The following CRYZL1 variants were observed in gnomAD, a reference collection of about 807,000 sequenced individuals.
CRYZL1 encodes the protein crystallin zeta like 1.
A neutral mutation model predicts 50.6 loss-of-function variants in CRYZL1; 34 were observed. The observed-to-expected ratio is 0.67, with a 90% CI of 0.51 to 0.89. The LOEUF is 0.89. Among genes scored for constraint, CRYZL1 ranks in the 40% least tolerant of loss-of-function variants. The pLI, the probability that CRYZL1 is intolerant of heterozygous loss-of-function variation, is 0.00. For synonymous variants in CRYZL1, 125 were observed against 134.3 expected (o/e 0.93, Z 0.48); for missense variants, 354 against 402.3 (o/e 0.88, Z 1.03).
intron 1 of CRYZL1, 99 bp from the exon 2 acceptor site, chr21:33,631,656 A>T: frequency 1.5e-6 from 1 of 672,968 alleles, no homozygotes; most frequent in Non-Finnish European, 2.2e-6. Flanking sequence ...TAAAACGACA[A>T]CTACAAATGT....
At chr21:33,638,422 C>T (rs1418147022) in intron 1 of CRYZL1, among the ~76,000 whole-genome samples, 1 of 152,056 alleles carries the variant, frequency 6.6e-6, no homozygotes, top group Non-Finnish European at 1.5e-5. Flanking sequence ...ACCATGTTGG[C>T]CAGGCTGGTC....
chr21:33,604,247 C>T (rs553671866), intron 6 of CRYZL1, among the ~76,000 whole-genome samples: 12 of 146,304 alleles, frequency 8.2e-5, no homozygotes, highest in South Asian at 2.2e-4. Flanking sequence ...CCCAGCTACT[C>T]GGAGAGGCTG....
chr21:33,589,958 TAAAG>T, intron 12 of CRYZL1, 37 bp from the exon 13 acceptor site: 5 of 1,220,022 alleles, frequency 4.1e-6, no homozygotes, highest in Non-Finnish European at 6.0e-6. Context: ...CAGGTCTAGT[TAAAG>T]ATAAGTAGAA....
At chr21:33,634,873 C>T (rs1346591973) in intron 1 of CRYZL1, among the ~76,000 whole-genome samples, 1 of 96,880 alleles carries the variant, frequency 1.0e-5, no homozygotes, top group African/African-American at 4.9e-5. Context: ...AAACAAACAA[C>T]AACAACAATA....
chr21:33,605,814 A>G (rs1318194666), intron 6 of CRYZL1, among the ~76,000 whole-genome samples: 1 of 151,862 alleles, frequency 6.6e-6, no homozygotes, highest in Non-Finnish European at 1.5e-5. Flanking sequence ...GTAAGCCACC[A>G]CGCCTGGCCA....
rs759662224 is a variant in CRYZL1 at position 33,602,400 on chromosome 21, G to A, written c.466-55C>T. The A allele has an allele frequency of 2.3e-4, 166 of 707,280 alleles. 1 individual carries two copies. The highest frequency in any genetic ancestry group is 2.0e-3 in the Middle Eastern group (8 of 4,050). 43.8% of individuals were successfully genotyped at this position (707,280 alleles called of 1,614,324 possible). Reference sequence around the variant, plus strand: ...ATGGTTATAGAACAGAGGCCATATCGAATTGATTTCTTTATATTATTTAAT... The same window carrying A: ...ATGGTTATAGAACAGAGGCCATATCAAATTGATTTCTTTATATTATTTAAT... On this transcript the variant is annotated intron_variant, in intron 7 of 12. Coordinates refer to ENST00000381554, the MANE Select transcript of CRYZL1 (RefSeq NM_145858.3).
At chr21:33,630,781 G>T (rs943789574) in intron 2 of CRYZL1, among the ~76,000 whole-genome samples, 1 of 151,996 alleles carries the variant, frequency 6.6e-6, no homozygotes, top group Non-Finnish European at 1.5e-5. Context: ...AAGAAAATGT[G>T]GTATATATAC....
chr21:33,624,963 G>C (rs1330232315), intron 2 of CRYZL1, among the ~76,000 whole-genome samples: 1 of 151,936 alleles, frequency 6.6e-6, no homozygotes, highest in African/African-American at 2.4e-5. Context: ...TTTTAAAAAA[G>C]CTTTTGGATA....
chr21:33,604,448 G>T (rs2086790415), intron 6 of CRYZL1, among the ~76,000 whole-genome samples: 1 of 148,286 alleles, frequency 6.7e-6, no homozygotes, highest in African/African-American at 2.5e-5. Context: ...AGAATGGTGT[G>T]AACCCGGGAG....
In CRYZL1 at chr21:33,596,404, G is replaced by A. The variant is rs547883730; in HGVS notation, c.799-568C>T. ...TGTAATCCCAGCACTTTGGGAGGCC[G>A]AGGCAGGTGGATCACCTGAGGTCAG... On this transcript the variant is annotated intron_variant, in intron 10 of 12. Transcript: ENST00000381554. 9.2e-5 allele frequency among the ~76,000 whole-genome samples: 14 copies of A among 151,734 alleles called. No homozygotes were observed. The East Asian group carries it at 2.7e-3, about 30-fold the overall frequency.
chr21:33,608,793 T>G (rs1193460814), intron 6 of CRYZL1, among the ~76,000 whole-genome samples: 1 of 152,228 alleles, frequency 6.6e-6, no homozygotes, highest in African/African-American at 2.4e-5. Context: ...AGTCCACAAC[T>G]TGGCTGTTGT....
chr21:33,605,337 C>T (rs2086799063), intron 6 of CRYZL1, among the ~76,000 whole-genome samples: 1 of 151,850 alleles, frequency 6.6e-6, no homozygotes, highest in East Asian at 1.9e-4. Context: ...AGATAACTGA[C>T]ATCCTAACAA....
In CRYZL1 at chr21:33,641,363, A is replaced by T. The variant is rs2087326867; in HGVS notation, c.-7+318T>A. On this transcript the variant is annotated intron_variant, in intron 1 of 12. Transcript: ENST00000381554. The stretch of plus-strand genomic sequence containing the variant: ...CTCAAATTCTAGGAACAAGAAGCAG[A>T]GGAGAAAAACCCAACCTGGGAGATT... The T allele has an allele frequency of 2.0e-6, 3 of 1,511,584 alleles. No individual in the cohort carries two copies. The Admixed American group carries it at 6.4e-5, about 32-fold the overall frequency. 93.6% of individuals were successfully genotyped at this position (1,511,584 alleles called of 1,614,324 possible). A position where few individuals can be genotyped will look rare whatever the true frequency, so the allele number is the denominator to read the frequency against.
At chr21:33,620,459 C>A (rs1005878327) in intron 4 of CRYZL1, among the ~76,000 whole-genome samples, 5 of 151,836 alleles carry the variant, frequency 3.3e-5, no homozygotes, top group Non-Finnish European at 7.4e-5. Context: ...ATATTTACCA[C>A]TGTAATAAGC....
At chr21:33,633,593 T>C (rs1246705017) in intron 1 of CRYZL1, 3 of 152,204 alleles carry the variant, frequency 2.0e-5, no homozygotes, top group African/African-American at 7.2e-5. Context: ...TTTTGTATTT[T>C]TAGTAGAGAG....
intron 1 of CRYZL1, chr21:33,640,052 C>A (rs1353581439): frequency 1.6e-6 from 2 of 1,225,318 alleles, no homozygotes; most frequent in African/African-American, 3.1e-5. Context: ...TCTCGAACTC[C>A]TGGCCTCAAG....
intron 6 of CRYZL1, among the ~76,000 whole-genome samples, chr21:33,609,249 A>T (rs1340125518): frequency 6.6e-6 from 1 of 152,112 alleles, no homozygotes; most frequent in Non-Finnish European, 1.5e-5. Context: ...CGGCTTATCA[A>T]CATTTTCCCC....
intron 1 of CRYZL1, among the ~76,000 whole-genome samples, chr21:33,636,963 C>G (rs1288008747): frequency 6.6e-6 from 1 of 152,136 alleles, no homozygotes; most frequent in Admixed American, 6.5e-5. Context: ...CCCGCCACTG[C>G]GCCCGGCTAA....
intron 10 of CRYZL1, chr21:33,596,149 A>G (rs1347129847): frequency 3.7e-6 from 2 of 547,266 alleles, no homozygotes; most frequent in Non-Finnish European, 7.2e-6. Context: ...TTGGTAGGTG[A>G]GAATTACGGT....
Sources: gnomAD v4.1 joint callset for allele counts (sites outside exome capture counted in the v4.1 genomes callset) on GRCh38, gnomAD v4.1.1 for gene constraint, MANE v1.5 for transcripts, NCBI Gene and HGNC (gene_info 2026-07-23, HGNC 2026-07-21) for gene names.